The following DLG2 variants were observed in gnomAD, a reference collection of about 807,000 sequenced individuals.
DLG2 encodes discs large MAGUK scaffold protein 2.
A neutral mutation model predicts 132.5 loss-of-function variants in DLG2; 45 were observed. The observed-to-expected ratio is 0.34, with a 90% CI of 0.27 to 0.44. The LOEUF (loss-of-function observed/expected upper bound fraction) is 0.44. Among genes scored for constraint, DLG2 ranks in the 20% least tolerant of loss-of-function variants. The pLI is 1.00. For missense variants in DLG2, 1,045 were observed against 1,196.9 expected, an observed-to-expected ratio of 0.87 and a Z score of 1.87; for synonymous variants, 424 against 419.6, an observed-to-expected ratio of 1.01 and a Z score of -0.13.
chr11:84,332,888 G>C (rs540711620), intron 7 of DLG2, among the ~76,000 whole-genome samples: 1 of 152,228 alleles, frequency 6.6e-6, no homozygotes, highest in East Asian at 1.9e-4. Context: ...CCCCCTTTCA[G>C]TTCCAGAAAG....
chr11:85,230,683 T>C (rs1396920959), intron 4 of DLG2, among the ~76,000 whole-genome samples: 1 of 151,938 alleles, frequency 6.6e-6, no homozygotes, highest in African/African-American at 2.4e-5. Flanking sequence ...TGGTTATGAT[T>C]GATGTTCATT....
intron 14 of DLG2, 41 bp downstream of exon 14, chr11:83,962,844 G>A: frequency 1.2e-6 from 2 of 1,604,450 alleles, no homozygotes; most frequent in Non-Finnish European, 1.7e-6. Flanking sequence ...TTTCTTTCTG[G>A]TAATAAGAGC....
chr11:83,681,403 T>C (rs2078774164), intron 18 of DLG2, among the ~76,000 whole-genome samples: 1 of 152,178 alleles, frequency 6.6e-6, no homozygotes, highest in South Asian at 2.1e-4. Context: ...CAGGTAATTG[T>C]TAATGGTGAT....
chr11:83,536,724 A>T (rs1855375906), intron 20 of DLG2, among the ~76,000 whole-genome samples: 1 of 152,208 alleles, frequency 6.6e-6, no homozygotes, highest in African/African-American at 2.4e-5. Flanking sequence ...GTAGATGCTT[A>T]ATGAGACTTT....
intron 3 of DLG2, among the ~76,000 whole-genome samples, chr11:85,328,649 C>G (rs1211198242): frequency 1.3e-4 from 19 of 146,954 alleles, no homozygotes; most frequent in Non-Finnish European, 2.4e-4. Flanking sequence ...CTATCTATGA[C>G]AAACCCACAG....
At chr11:85,182,199 G>A (rs534004939) in intron 4 of DLG2, among the ~76,000 whole-genome samples, 13 of 151,842 alleles carry the variant, frequency 8.6e-5, no homozygotes, top group East Asian at 1.9e-4. Flanking sequence ...AATATCTTAC[G>A]AGGGAACTGT....
In DLG2 at chr11:84,826,008, G is replaced by A. The variant is rs964151775; in HGVS notation, c.357+285653C>T. 2.0e-5 allele frequency among the ~76,000 whole-genome samples: 3 copies of A among 151,654 alleles called. No homozygotes were observed. In the South Asian group the frequency reaches 6.2e-4, roughly 31 times the overall value. On this transcript the variant is annotated intron_variant, in intron 6 of 27. Coordinates refer to ENST00000376104, the MANE Select transcript of DLG2 (RefSeq NM_001142699.3). ...CACCCTCAGTGTTTATTTTTGGGGG[G>A]TTTGTTGTTGTTTTTTGCTCCTCAC...
chr11:84,670,558 C>T (rs999697620), intron 6 of DLG2, among the ~76,000 whole-genome samples: 1 of 152,152 alleles, frequency 6.6e-6, no homozygotes, highest in Non-Finnish European at 1.5e-5. Context: ...ATGTTCAATT[C>T]TGTGTCTATT....
chr11:84,871,280 A>G (rs534003864), intron 6 of DLG2, among the ~76,000 whole-genome samples: 3 of 152,330 alleles, frequency 2.0e-5, no homozygotes, highest in South Asian at 2.1e-4. Context: ...TTATTTTTCT[A>G]AAGAACCACA....
chr11:85,187,939 G>C (rs899901077), intron 4 of DLG2, among the ~76,000 whole-genome samples: 1 of 152,140 alleles, frequency 6.6e-6, no homozygotes, highest in South Asian at 2.1e-4. Context: ...GAAGATCCAC[G>C]AAATGAGACG....
chr11:84,768,311 A>AT (rs887182548), intron 6 of DLG2, among the ~76,000 whole-genome samples: 15 of 152,132 alleles, frequency 9.9e-5, no homozygotes, highest in Admixed American at 1.3e-4. Context: ...ATTTTGAGTC[A>AT]TTTTTAAAAC....
chr11:84,063,362 T>G (rs1244517027), intron 10 of DLG2, among the ~76,000 whole-genome samples: 1 of 152,230 alleles, frequency 6.6e-6, no homozygotes, highest in Non-Finnish European at 1.5e-5. Context: ...ACAAAAAGGA[T>G]AGTCTATCGG....
At chr11:83,840,098 C>T (rs867492937) in intron 16 of DLG2, among the ~76,000 whole-genome samples, 1 of 152,208 alleles carries the variant, frequency 6.6e-6, no homozygotes, top group Admixed American at 6.5e-5. Flanking sequence ...CATACCTCTA[C>T]GTTTTGGCTC....
chr11:85,330,792 T>TAAA (rs56995757), intron 3 of DLG2, among the ~76,000 whole-genome samples: 20 of 116,482 alleles, frequency 1.7e-4, no homozygotes, highest in Admixed American at 2.8e-4. Flanking sequence ...AAAAAAAAAT[T>TAAA]AAAAAAAAAA....
In DLG2 at chr11:84,369,117, A is replaced by G. The variant is rs568431620; in HGVS notation, c.520-117826T>C. 2.0e-4 allele frequency among the ~76,000 whole-genome samples: 30 copies of G among 152,272 alleles called. 1 individual carries two copies. The South Asian group carries it at 5.8e-3, about 29-fold the overall frequency. Reference sequence around the variant, plus strand: ...CCAAAATTTACATTTTTATACTGCAATATGGCCGTGTTTTATACATTACCT... The same window carrying G: ...CCAAAATTTACATTTTTATACTGCAGTATGGCCGTGTTTTATACATTACCT... On this transcript the variant is annotated intron_variant, in intron 7 of 27. Transcript: ENST00000376104.
chr11:85,386,759 G>T (rs2086364298), intron 3 of DLG2, among the ~76,000 whole-genome samples: 2 of 148,602 alleles, frequency 1.3e-5, no homozygotes, highest in Admixed American at 1.4e-4. Flanking sequence ...CAGAGAAGAT[G>T]TTTAATAAAT....
chr11:83,686,363 G>A (rs2079764229), intron 18 of DLG2, among the ~76,000 whole-genome samples: 1 of 151,862 alleles, frequency 6.6e-6, no homozygotes, highest in African/African-American at 2.4e-5. Context: ...AAAATTTATA[G>A]TACTTATCTC....
At chr11:84,715,449 T>C (rs1430256950) in intron 6 of DLG2, among the ~76,000 whole-genome samples, 1 of 152,072 alleles carries the variant, frequency 6.6e-6, no homozygotes. Flanking sequence ...ATATTAACTA[T>C]AGTCCAAACA....
intron 6 of DLG2, among the ~76,000 whole-genome samples, chr11:85,027,651 G>A (rs973477502): frequency 2.0e-5 from 3 of 152,228 alleles, no homozygotes; most frequent in Admixed American, 1.3e-4. Flanking sequence ...ACAGCTCCAG[G>A]CACCAGCACA....
Sources: gnomAD v4.1 joint callset for allele counts (sites outside exome capture counted in the v4.1 genomes callset) on GRCh38, gnomAD v4.1.1 for gene constraint, MANE v1.5 for transcripts, NCBI Gene and HGNC (gene_info 2026-07-23, HGNC 2026-07-21) for gene names.